TMTC2: variants seen among roughly 807,000 people sequenced by gnomAD.
The protein encoded by TMTC2 is protein O-mannosyl-transferase TMTC2.
A neutral mutation model predicts 82.4 loss-of-function variants in TMTC2; 43 were observed. The observed-to-expected ratio is 0.52, with a 90% CI of 0.41 to 0.67. The LOEUF is 0.67. TMTC2 is among the 30% of genes least tolerant of loss of function. The pLI is 0.00. For missense variants in TMTC2, 919 were observed against 1,012.4 expected, an observed-to-expected ratio of 0.91 and a Z score of 1.25; for synonymous variants, 408 against 381.9, an observed-to-expected ratio of 1.07 and a Z score of -0.80.
intron 4 of TMTC2, among the ~76,000 whole-genome samples, chr12:82,948,720 A>T (rs1323639229): frequency 1.3e-5 from 2 of 152,242 alleles, no homozygotes; most frequent in African/African-American, 4.8e-5. Context: ...CATTGCACTA[A>T]ATCTCTGTGT....
At chr12:82,691,568 A>AT (rs1191968124) in intron 1 of TMTC2, among the ~76,000 whole-genome samples, 1 of 152,138 alleles carries the variant, frequency 6.6e-6, no homozygotes, top group Non-Finnish European at 1.5e-5. Context: ...CTTTCTAAAG[A>AT]TATTGAACTA....
At chr12:82,718,192 C>T (rs1873988520) in intron 1 of TMTC2, among the ~76,000 whole-genome samples, 1 of 152,128 alleles carries the variant, frequency 6.6e-6, no homozygotes, top group Non-Finnish European at 1.5e-5. Context: ...TAGGCAGTAT[C>T]CATAAAGACA....
chr12:82,971,724 A>T (rs1878453512), intron 7 of TMTC2, among the ~76,000 whole-genome samples: 1 of 152,060 alleles, frequency 6.6e-6, no homozygotes, highest in Non-Finnish European at 1.5e-5. Flanking sequence ...AAAAGGGCAT[A>T]ATGTATTATA....
In TMTC2 at chr12:82,891,045, C is replaced by G. The variant is rs184451918; in HGVS notation, c.655-4773C>G. Among the ~76,000 whole-genome samples, 4 of 152,270 alleles carry G rather than the reference C, an allele frequency of 2.6e-5. No homozygotes were observed. In the East Asian group the frequency reaches 7.7e-4, roughly 29 times the overall value. On this transcript the variant is annotated intron_variant, in intron 2 of 11. Transcript: ENST00000321196. The stretch of plus-strand genomic sequence containing the variant: ...CATCTGAGAAATACAAGTGTTAGGT[C>G]AGTTTGTTACACCAAACTGCGGATA...
In TMTC2 at chr12:82,731,218, C is replaced by T. The variant is rs546407104; in HGVS notation, c.83+43549C>T. ...TGATAGTTGTCACAACTTAAATTTG[C>T]TGTGTAATGTGTAGCACAAAAGGTT... On this transcript the variant is annotated intron_variant, in intron 1 of 11. Coordinates refer to ENST00000321196, the MANE Select transcript of TMTC2 (RefSeq NM_152588.3). Among the ~76,000 whole-genome samples the T allele has an allele frequency of 4.6e-5, 7 of 152,336 alleles. No individual in the cohort carries two copies. The South Asian group carries it at 1.4e-3, about 32-fold the overall frequency.
intron 1 of TMTC2, among the ~76,000 whole-genome samples, chr12:82,818,785 CAG>C (rs1259246412): frequency 1.3e-5 from 2 of 152,106 alleles, no homozygotes; most frequent in Non-Finnish European, 2.9e-5. Flanking sequence ...GTTCTGGAAA[CAG>C]ATCTGTTTTG....
chr12:82,773,487 G>A (rs1877421161), intron 1 of TMTC2, among the ~76,000 whole-genome samples: 1 of 144,958 alleles, frequency 6.9e-6, no homozygotes, highest in Non-Finnish European at 1.5e-5. Context: ...TTGAGATGTA[G>A]TCTCGCTCTG....
intron 3 of TMTC2, among the ~76,000 whole-genome samples, chr12:82,926,448 G>A (rs1592632648): frequency 1.3e-5 from 2 of 152,342 alleles, no homozygotes; most frequent in South Asian, 2.1e-4. Flanking sequence ...TGCTTCATTA[G>A]GTTGAAGGAA....
At chr12:82,931,704 C>T (rs763528171) in intron 4 of TMTC2, among the ~76,000 whole-genome samples, 5 of 152,118 alleles carry the variant, frequency 3.3e-5, no homozygotes, top group Non-Finnish European at 7.3e-5. Flanking sequence ...TCTGGGTTTG[C>T]TCCATTTTCT....
At chr12:82,952,238 T>C (rs1038884842) in intron 4 of TMTC2, among the ~76,000 whole-genome samples, 1 of 152,164 alleles carries the variant, frequency 6.6e-6, no homozygotes, top group Non-Finnish European at 1.5e-5. Context: ...ATTGTTCTTT[T>C]GGACAAACTG....
intron 11 of TMTC2, among the ~76,000 whole-genome samples, chr12:83,131,760 C>G (rs1885261526): frequency 6.6e-6 from 1 of 152,024 alleles, no homozygotes; most frequent in Non-Finnish European, 1.5e-5. Flanking sequence ...TGTTAAAAGC[C>G]TGGGATATTG....
intron 1 of TMTC2, among the ~76,000 whole-genome samples, chr12:82,813,731 T>C (rs1868529520): frequency 6.6e-6 from 1 of 152,094 alleles, no homozygotes; most frequent in Non-Finnish European, 1.5e-5. Flanking sequence ...TATATAGCAA[T>C]ATTTTTAACC....
intron 1 of TMTC2, among the ~76,000 whole-genome samples, chr12:82,776,217 T>A (rs1877586356): frequency 6.6e-6 from 1 of 152,158 alleles, no homozygotes; most frequent in South Asian, 2.1e-4. Flanking sequence ...GGTCACTTTT[T>A]TCAACATACA....
At chr12:82,797,129 C>T (rs962956635) in intron 1 of TMTC2, among the ~76,000 whole-genome samples, 2 of 152,102 alleles carry the variant, frequency 1.3e-5, no homozygotes, top group African/African-American at 4.8e-5. Context: ...ATTATCTTCC[C>T]TGCCTTGCTT....
intron 10 of TMTC2, among the ~76,000 whole-genome samples, chr12:83,055,726 G>GTGTGTGTGTGTA (rs1319747059): frequency 6.6e-6 from 1 of 151,766 alleles, no homozygotes; most frequent in Non-Finnish European, 1.5e-5. Context: ...GTGTGTGTGT[G>GTGTGTGTGTGTA]TGTGTGTATG....
At chr12:82,979,423 T>C (rs1211438225) in intron 7 of TMTC2, among the ~76,000 whole-genome samples, 1 of 151,734 alleles carries the variant, frequency 6.6e-6, no homozygotes, top group Non-Finnish European at 1.5e-5. Flanking sequence ...AACTTATCAC[T>C]GAGAGAAAAA....
At chr12:82,938,055 A>G (rs752697764) in intron 4 of TMTC2, among the ~76,000 whole-genome samples, 6 of 151,354 alleles carry the variant, frequency 4.0e-5, no homozygotes, top group Non-Finnish European at 5.9e-5. Flanking sequence ...GCTGGGATAC[A>G]GATACCCACC....
chr12:82,945,680 G>A (rs2137269696), intron 4 of TMTC2, among the ~76,000 whole-genome samples: 1 of 152,266 alleles, frequency 6.6e-6, no homozygotes, highest in Non-Finnish European at 1.5e-5. Context: ...TGCTCCTGAA[G>A]AAAAATGAAC....
chr12:82,774,633 A>ATT (rs1211938967), intron 1 of TMTC2, among the ~76,000 whole-genome samples: 4,341 of 130,958 alleles, frequency 0.033, 290 homozygotes, highest in African/African-American at 0.12. Context: ...AAAAAGAACA[A>ATT]TTTTTTTTTT....
Sources: allele counts gnomAD v4.1 joint callset (sites outside exome capture counted in the v4.1 genomes callset), GRCh38; gene constraint gnomAD v4.1.1; transcripts MANE v1.5; gene names NCBI Gene and HGNC (gene_info 2026-07-23, HGNC 2026-07-21).